Variants in GUCY1A2 observed in about 807,000 individuals in gnomAD.
GUCY1A2 encodes the protein guanylate cyclase 1 soluble subunit alpha 2, also known as guanylate cyclase soluble subunit alpha-2.
A neutral mutation model predicts 63.5 loss-of-function variants in GUCY1A2; 27 were observed. That is an observed-to-expected ratio of 0.43 (90% CI 0.31 to 0.59). The LOEUF (loss-of-function observed/expected upper bound fraction) is 0.59. Ranked by LOEUF, GUCY1A2 falls within the 20% of genes least tolerant of loss-of-function variation. GUCY1A2 has a pLI of 0.11. For missense variants in GUCY1A2, 768 were observed against 913.3 expected, an observed-to-expected ratio of 0.84 and a Z score of 2.05; for synonymous variants, 364 against 343.5, an observed-to-expected ratio of 1.06 and a Z score of -0.66.
At chr11:107,017,728 G>T (rs763270930) in intron 1 of GUCY1A2, 25 bp downstream of exon 1, 2 of 1,324,132 alleles carry the variant, frequency 1.5e-6, no homozygotes, top group Non-Finnish European at 2.0e-6. Flanking sequence ...CCCGAAGGCG[G>T]TCCCCCCTTC....
chr11:106,856,536 G>A (rs1859438341), intron 4 of GUCY1A2, among the ~76,000 whole-genome samples: 1 of 152,058 alleles, frequency 6.6e-6, no homozygotes, highest in Non-Finnish European at 1.5e-5. Flanking sequence ...TAATTTTGAA[G>A]ATAAAGTGAA....
At chr11:106,894,356 G>A (rs1200639963) in intron 4 of GUCY1A2, among the ~76,000 whole-genome samples, 1 of 152,114 alleles carries the variant, frequency 6.6e-6, no homozygotes, top group African/African-American at 2.4e-5. Context: ...ATTACAGCTG[G>A]AGACTTCAAC....
chr11:106,827,817 C>T lies in GUCY1A2; in HGVS notation c.1207-17339G>A. The T allele has an allele frequency of 2.5e-6, 4 of 1,598,080 alleles. No homozygotes were observed. The South Asian group carries it at 4.4e-5, about 18-fold the overall frequency. On this transcript the variant is annotated intron_variant, in intron 4 of 7. Coordinates refer to ENST00000526355, the MANE Select transcript of GUCY1A2 (RefSeq NM_000855.3). ...AAAGTGAGTAGCCAACTGCTCCGCA[C>T]AAGTGACGCCCGCGATGCCGCCGCC...
chr11:106,701,556 G>A (rs1862817699), intron 7 of GUCY1A2, among the ~76,000 whole-genome samples: 1 of 151,988 alleles, frequency 6.6e-6, no homozygotes, highest in African/African-American at 2.4e-5. Flanking sequence ...AGAAATTAAT[G>A]GGTCTTTAAA....
chr11:106,738,981 G>T (rs1026512369), intron 6 of GUCY1A2, among the ~76,000 whole-genome samples: 56 of 152,246 alleles, frequency 3.7e-4, no homozygotes, highest in African/African-American at 1.3e-3. Context: ...ATTACTTTGG[G>T]CAGTATGGCC....
At chr11:106,807,566 A>G (rs939027105) in intron 5 of GUCY1A2, among the ~76,000 whole-genome samples, 1 of 152,164 alleles carries the variant, frequency 6.6e-6, no homozygotes, top group African/African-American at 2.4e-5. Flanking sequence ...TGCCCTATAC[A>G]CCTATCCTAG....
intron 6 of GUCY1A2, among the ~76,000 whole-genome samples, chr11:106,762,695 T>C (rs1864086684): frequency 6.6e-6 from 1 of 152,130 alleles, no homozygotes; most frequent in African/African-American, 2.4e-5. Flanking sequence ...TTTCCAGTTG[T>C]GTCCCTCTGA....
At position 106,722,936 on chromosome 11, in the gene GUCY1A2, T is replaced by C. The variant is rs183322927; in HGVS notation, c.1837-14270A>G. ...CATGTGAAATTCAGAATAAGAAATA[T>C]GTAGTTTTAACCAAAGCAATATCTT... is the stretch of plus-strand genomic sequence containing the variant. On this transcript the variant is annotated intron_variant, in intron 6 of 7. Transcript: ENST00000526355. Among the ~76,000 whole-genome samples the C allele has an allele frequency of 1.4e-3, 215 of 152,306 alleles. 1 individual carries two copies. Among genetic ancestry groups the C allele is most frequent in the African/African-American group, 5.0e-3 (208 of 41,570 alleles).
chr11:106,708,763 A>G, intron 6 of GUCY1A2, 97 bp from the exon 7 acceptor site: 2 of 705,504 alleles, frequency 2.8e-6, no homozygotes, highest in Non-Finnish European at 4.2e-6. Context: ...TAATAATAAT[A>G]AAAAAAAACT....
intron 4 of GUCY1A2, among the ~76,000 whole-genome samples, chr11:106,853,103 C>A (rs1190339132): frequency 3.3e-5 from 5 of 152,298 alleles, no homozygotes; most frequent in South Asian, 4.1e-4. Context: ...TTGACTAAAA[C>A]ATGCACCAGA....
Position 106,686,950 on chromosome 11 carries a change from T to C in GUCY1A2, c.*599A>G. The C allele has an allele frequency of 5.0e-6, 1 of 200,438 alleles. No homozygotes were observed. The allele number at this position is 200,438 out of a possible 1,614,324, so 12.4% of individuals were successfully genotyped here. ...AGCATTATATATAATATACTAACAA[T>C]ACAGAAGCAGATTCTGAAAATCTAA... is the stretch of plus-strand genomic sequence containing the variant. On this transcript the variant is annotated 3_prime_UTR_variant, in exon 8 of 8. Coordinates refer to ENST00000526355, the MANE Select transcript of GUCY1A2 (RefSeq NM_000855.3).
chr11:106,722,118 A>G (rs554060086), intron 6 of GUCY1A2, among the ~76,000 whole-genome samples: 2 of 152,236 alleles, frequency 1.3e-5, no homozygotes, highest in East Asian at 1.9e-4. Context: ...GCCAGGCACA[A>G]ATGTTCCTCT....
intron 6 of GUCY1A2, among the ~76,000 whole-genome samples, chr11:106,726,873 T>C (rs569725350): frequency 6.6e-6 from 1 of 152,302 alleles, no homozygotes; most frequent in South Asian, 2.1e-4. Flanking sequence ...AATTGAGAGA[T>C]ACCAGCTTTG....
At chr11:106,952,868 G>T (rs879353762) in intron 3 of GUCY1A2, among the ~76,000 whole-genome samples, 15 of 152,180 alleles carry the variant, frequency 9.9e-5, no homozygotes, top group Non-Finnish European at 2.2e-4. Flanking sequence ...TCGAACTCCT[G>T]ACCTCAGGTG....
chr11:106,947,641 T>C (rs1296466197), intron 3 of GUCY1A2, among the ~76,000 whole-genome samples: 1 of 152,014 alleles, frequency 6.6e-6, no homozygotes, highest in Admixed American at 6.6e-5. Flanking sequence ...TTAAAGATTT[T>C]ACAGATCACA....
intron 4 of GUCY1A2, among the ~76,000 whole-genome samples, chr11:106,876,499 A>C (rs2135467987): frequency 6.6e-6 from 1 of 152,192 alleles, no homozygotes; most frequent in East Asian, 1.9e-4. Flanking sequence ...ACCACATCTG[A>C]CTGTACATTT....
intron 7 of GUCY1A2, among the ~76,000 whole-genome samples, chr11:106,704,549 A>T (rs1364074000): frequency 1.3e-5 from 2 of 152,174 alleles, no homozygotes; most frequent in East Asian, 3.9e-4. Context: ...GCTTGGTTTT[A>T]ACAGAAAGAA....
At chr11:106,699,326 T>C (rs918333207) in intron 7 of GUCY1A2, among the ~76,000 whole-genome samples, 3 of 152,224 alleles carry the variant, frequency 2.0e-5, no homozygotes, top group African/African-American at 7.2e-5. Flanking sequence ...TAAATCATGC[T>C]TAATTACCTT....
chr11:106,797,603 A>C (rs1231285425), intron 5 of GUCY1A2, among the ~76,000 whole-genome samples: 1 of 152,196 alleles, frequency 6.6e-6, no homozygotes, highest in African/African-American at 2.4e-5. Flanking sequence ...AGAACTCAGG[A>C]TTAAGAAACT....
Sources: gnomAD v4.1 joint callset for allele counts (sites outside exome capture counted in the v4.1 genomes callset) on GRCh38, gnomAD v4.1.1 for gene constraint, MANE v1.5 for transcripts, NCBI Gene and HGNC (gene_info 2026-07-23, HGNC 2026-07-21) for gene names.